The following EFNB2 variants were observed in gnomAD, a reference collection of about 807,000 sequenced individuals.
The protein encoded by EFNB2 is ephrin B2.
A neutral mutation model predicts 32.1 loss-of-function variants in EFNB2; 5 were observed. That is an observed-to-expected ratio of 0.16 (90% CI 0.08 to 0.33). The LOEUF is 0.33. EFNB2 is among the 10% of genes least tolerant of loss of function. EFNB2 has a pLI of 1.00. For synonymous variants in EFNB2, 168 were observed against 166.5 expected, an observed-to-expected ratio of 1.01 and a Z score of -0.07; for missense variants, 263 against 422.6, an observed-to-expected ratio of 0.62 and a Z score of 3.31.
intron 1 of EFNB2, among the ~76,000 whole-genome samples, chr13:106,529,306 C>T (rs908183555): frequency 1.3e-5 from 2 of 152,152 alleles, no homozygotes; most frequent in Admixed American, 6.6e-5. Context: ...AGGCAACGAC[C>T]GCGAAGTGCA....
At chr13:106,509,332 T>C (rs958309239) in intron 2 of EFNB2, among the ~76,000 whole-genome samples, 1 of 152,082 alleles carries the variant, frequency 6.6e-6, no homozygotes, top group Non-Finnish European at 1.5e-5. Flanking sequence ...TTCCTCTCCA[T>C]GGAAAGAAAC....
At chr13:106,532,826 G>GA (rs919066813) in intron 1 of EFNB2, among the ~76,000 whole-genome samples, 5 of 151,834 alleles carry the variant, frequency 3.3e-5, no homozygotes, top group East Asian at 2.0e-4. Context: ...TCAGAATGGG[G>GA]GGGGGGAGTG....
intron 1 of EFNB2, among the ~76,000 whole-genome samples, chr13:106,514,371 G>A (rs1879246083): frequency 6.6e-6 from 1 of 152,158 alleles, no homozygotes; most frequent in African/African-American, 2.4e-5. Context: ...TCAACCTTGT[G>A]AATGGCAATG....
chr13:106,515,441 G>A (rs1488777456), intron 1 of EFNB2, among the ~76,000 whole-genome samples: 3 of 152,056 alleles, frequency 2.0e-5, no homozygotes, highest in South Asian at 2.1e-4. Context: ...TATTAGATAC[G>A]CTTGTAAAAA....
At chr13:106,515,896 G>A (rs189980924) in intron 1 of EFNB2, among the ~76,000 whole-genome samples, 2 of 152,272 alleles carry the variant, frequency 1.3e-5, no homozygotes, top group African/African-American at 4.8e-5. Flanking sequence ...AACCTATGTT[G>A]TGCCAGACAT....
intron 1 of EFNB2, among the ~76,000 whole-genome samples, chr13:106,524,941 T>G (rs190328418): frequency 3.0e-4 from 45 of 152,324 alleles, no homozygotes; most frequent in African/African-American, 9.9e-4. Flanking sequence ...TAAATTAACA[T>G]CAAGAAGTTT....
In EFNB2 at chr13:106,492,976, C is replaced by A. The variant is rs1878460514; in HGVS notation, c.*64G>T. ...TCTCCAGCACGCGGGCTCTCAAACC[C>A]TCAAGGGAGGCATCGGGACATTAGG... On this transcript the variant is annotated 3_prime_UTR_variant, in exon 5 of 5. Coordinates refer to ENST00000646441, the MANE Select transcript of EFNB2 (RefSeq NM_004093.4). This position sits in a 1 kb window ranked among gnomAD's most constrained non-coding sequence, Gnocchi z 5.1. The A allele has an allele frequency of 6.5e-7, 1 of 1,537,442 alleles. No individual in the cohort carries two copies. Among genetic ancestry groups the A allele is most frequent in the South Asian group, 1.2e-5 (1 of 81,432 alleles).
At chr13:106,507,267 C>T (rs60558244) in intron 2 of EFNB2, among the ~76,000 whole-genome samples, 6,503 of 152,176 alleles carry the variant, frequency 0.043, 486 homozygotes, top group African/African-American at 0.15. Flanking sequence ...AGCACATAAT[C>T]GCTTTATACA....
At chr13:106,496,838 T>C (rs1161556235) in intron 2 of EFNB2, among the ~76,000 whole-genome samples, 2 of 152,210 alleles carry the variant, frequency 1.3e-5, no homozygotes, top group Admixed American at 1.3e-4. Flanking sequence ...AGGCTTTGAA[T>C]TACAGTTCAA....
At position 106,518,072 on chromosome 13, in the gene EFNB2, G is replaced by T. The variant is rs1415351349; in HGVS notation, c.123-5260C>A. ...AGTCCTTATGTTGCCAGGCGTGGTG[G>T]CTCACGCCTATAATCCCAGCACTTT... is the stretch of plus-strand genomic sequence containing the variant. On this transcript the variant is annotated intron_variant, in intron 1 of 4. Transcript: ENST00000646441. The surrounding 1 kb of genome is among the most constrained non-coding windows in gnomAD (Gnocchi z 4.1). 1 of 152,204 alleles carries T rather than the reference G, an allele frequency of 6.6e-6. No homozygotes were observed. The highest frequency in any genetic ancestry group is 1.5e-5 in the Non-Finnish European group (1 of 68,034). The allele number at this position is 152,204 out of a possible 1,614,324, so 9.4% of individuals were successfully genotyped here.
At chr13:106,507,212 G>T (rs939113162) in intron 2 of EFNB2, among the ~76,000 whole-genome samples, 6 of 152,082 alleles carry the variant, frequency 3.9e-5, no homozygotes, top group Non-Finnish European at 8.8e-5. Context: ...TGATGGAAAT[G>T]TGGCTTTTGC....
chr13:106,518,689 T>C lies in EFNB2; in HGVS notation c.123-5877A>G, dbSNP rs1879397710. The C allele has an allele frequency of 6.6e-6, 1 of 152,188 alleles. No homozygotes were observed. Among genetic ancestry groups the C allele is most frequent in the Admixed American group, 6.5e-5 (1 of 15,276 alleles). The allele number at this position is 152,188 out of a possible 1,614,324, so 9.4% of individuals were successfully genotyped here. A position where few individuals can be genotyped will look rare whatever the true frequency, so the allele number is the denominator to read the frequency against. ...TTGCCCAGTGTAATAGGAGGATCCGTGGGAAGCCAGCAGTGGAGAAGTTTA... is the reference window on the plus strand; with the variant it reads ...TTGCCCAGTGTAATAGGAGGATCCGCGGGAAGCCAGCAGTGGAGAAGTTTA... On this transcript the variant is annotated intron_variant, in intron 1 of 4. Transcript: ENST00000646441. This position sits in a 1 kb window ranked among gnomAD's most constrained non-coding sequence, Gnocchi z 4.1.
chr13:106,493,402 C>T lies in EFNB2; in HGVS notation c.640G>A (p.Gly214Arg), dbSNP rs187616302. The T allele has an allele frequency of 1.9e-6, 3 of 1,613,238 alleles. No individual in the cohort carries two copies. The highest frequency in any genetic ancestry group is 1.3e-5 in the African/African-American group (1 of 75,008). Residue 214 changes from glycine to arginine, a missense_variant, in exon 5 of 5, where the codon GGA becomes AGA. Physicochemically the swap from Gly to Arg is moderately radical, Grantham distance 125 (BLOSUM62 -2). This residue lies in a region of EFNB2 where 172 missense variants were observed against 237.1 expected (regional missense o/e 0.73). Transcript: ENST00000646441. This position sits in a 1 kb window ranked among gnomAD's most constrained non-coding sequence, Gnocchi z 6.1. ...CCGAGGATGTTGTTCCCCGAATGTC[C>T]GGCGCTGTTGCCGTCTGTGCTAGAA... is the stretch of plus-strand genomic sequence containing the variant. ...PGSSTDGNSA[G>R]HSGNNILGSE...
At chr13:106,502,474 G>GT (rs1024063034) in intron 2 of EFNB2, among the ~76,000 whole-genome samples, 2 of 152,180 alleles carry the variant, frequency 1.3e-5, no homozygotes, top group African/African-American at 4.8e-5. Context: ...AAGCAGTTTG[G>GT]TAAGTTGATT....
At chr13:106,503,488 G>A (rs1401378396) in intron 2 of EFNB2, among the ~76,000 whole-genome samples, 1 of 152,180 alleles carries the variant, frequency 6.6e-6, no homozygotes, top group Non-Finnish European at 1.5e-5. Context: ...CCTTGTCTAT[G>A]AGGAACAGCT....
At chr13:106,514,424 A>G (rs993000155) in intron 1 of EFNB2, among the ~76,000 whole-genome samples, 1 of 152,192 alleles carries the variant, frequency 6.6e-6, no homozygotes, top group Non-Finnish European at 1.5e-5. Flanking sequence ...GACAAAACAC[A>G]ATTCAGTTTC....
chr13:106,512,870 A>G (rs747681812), intron 1 of EFNB2, 58 bp from the exon 2 acceptor site: 4 of 1,424,266 alleles, frequency 2.8e-6, no homozygotes, highest in Non-Finnish European at 3.7e-6. Flanking sequence ...TATTAATGAC[A>G]GTTACAAGAT....
rs1446663187 is a variant in EFNB2, at chr13:106,535,047, C to G, written c.-83G>C. ...GGCTGGGACCCCCAATCCTCCGGGG[C>G]AGACTGGCGGGGAAGACGGCGTGCG... is the stretch of plus-strand genomic sequence containing the variant. On this transcript the variant is annotated 5_prime_UTR_variant, in exon 1 of 5. Transcript: ENST00000646441. 1.3e-6 allele frequency: 2 copies of G among 1,554,928 alleles called. No individual in the cohort carries two copies. Among genetic ancestry groups the G allele is most frequent in the South Asian group, 2.4e-5 (2 of 85,078 alleles).
chr13:106,513,766 C>G (rs372764343), intron 1 of EFNB2, among the ~76,000 whole-genome samples: 2 of 140,004 alleles, frequency 1.4e-5, no homozygotes, highest in Admixed American at 1.4e-4. Context: ...TCAGCTCGTT[C>G]GTAAGCAGCC....
Sources: allele counts gnomAD v4.1 joint callset (sites outside exome capture counted in the v4.1 genomes callset), GRCh38; gene constraint gnomAD v4.1.1; regional missense constraint gnomAD v4.1.1; non-coding constraint Gnocchi (gnomAD v3.1); transcripts MANE v1.5; gene names NCBI Gene and HGNC (gene_info 2026-07-23, HGNC 2026-07-21).